The following SLC17A9 variants were observed in gnomAD, a reference collection of about 807,000 sequenced individuals.
SLC17A9 encodes voltage-gated purine nucleotide uniporter SLC17A9.
In SLC17A9, 49 loss-of-function variants were observed where a neutral mutation model predicts 55.0. The ratio of observed to expected loss-of-function variants is 0.89; its 90% CI spans 0.71 to 1.13. The LOEUF is 1.13. Among genes scored for constraint, SLC17A9 ranks in the 50% most tolerant of loss-of-function variants. SLC17A9 has a pLI of 0.00. For synonymous variants in SLC17A9, 256 were observed against 247.4 expected (o/e 1.03, Z -0.32); for missense variants, 526 against 569.3 (o/e 0.92, Z 0.77).
Position 62,963,681 on chromosome 20 carries a change from G to A in SLC17A9, c.822+1G>A, listed in dbSNP as rs1386906910. 6.3e-7 allele frequency: 1 copy of A among 1,584,750 alleles called. No individual in the cohort carries two copies. The highest frequency in any genetic ancestry group is 1.2e-5 in the South Asian group (1 of 86,812). Reference sequence around the variant, plus strand: ...CGAGGAGACCTTCCCCGACGCCAAGGTGAGTCGGGGGCTCCCGCAGGGTGA... The same window carrying A: ...CGAGGAGACCTTCCCCGACGCCAAGATGAGTCGGGGGCTCCCGCAGGGTGA... On this transcript the variant is annotated splice_donor_variant, in intron 7 of 12. Coordinates refer to ENST00000370351, the MANE Select transcript of SLC17A9 (RefSeq NM_022082.4). LOFTEE classifies it high-confidence loss of function.
chr20:62,957,120 C>T (rs62200668), intron 2 of SLC17A9, 158 bp downstream of exon 2: 3 of 831,412 alleles, frequency 3.6e-6, no homozygotes, highest in Admixed American at 6.6e-5. Flanking sequence ...GAAGGAGCTT[C>T]GTGGACACAG....
intron 2 of SLC17A9, 122 bp from the exon 3 acceptor site, chr20:62,957,319 C>T (rs1050133017): frequency 2.1e-5 from 31 of 1,492,322 alleles, no homozygotes; most frequent in East Asian, 1.6e-4. Context: ...CATGAGCAGG[C>T]CCTGTAGAGG....
chr20:62,957,968 G>C (rs2065556209), intron 3 of SLC17A9, among the ~76,000 whole-genome samples: 1 of 152,114 alleles, frequency 6.6e-6, no homozygotes, highest in Admixed American at 6.5e-5. Flanking sequence ...CAATGTGCAT[G>C]TATGTTTGTG....
chr20:62,966,576 G>C lies in SLC17A9; in HGVS notation c.1113G>C (p.Leu371=). The C allele has an allele frequency of 6.4e-7, 1 of 1,566,082 alleles. No individual in the cohort carries two copies. The highest frequency in any genetic ancestry group is 8.6e-7 in the Non-Finnish European group (1 of 1,156,860). The change falls in exon 11 of 13, where the codon CTG becomes CTC. Residue 371 remains leucine, a synonymous_variant. Coordinates refer to ENST00000370351, the MANE Select transcript of SLC17A9 (RefSeq NM_022082.4). ...TGGCCCCGTCCTGCGCCGGCTTTCT[G>C]TTTGGTGAGGACCTTGCCTTACCCC... The part of the protein sequence containing the change: ...QDLAPSCAGF[L]FGVANTAGAL...
At position 62,967,486 on chromosome 20, in the gene SLC17A9, C is replaced by A. The variant is rs920970602; in HGVS notation, c.1297C>A (p.His433Asn). 1.2e-6 allele frequency: 2 copies of A among 1,613,990 alleles called. No individual in the cohort carries two copies. The highest frequency in any genetic ancestry group is 2.2e-5 in the South Asian group (2 of 91,074). Residue 433 changes from histidine to asparagine, a missense_variant, in exon 13 of 13, where the codon CAT becomes AAT. Physicochemically the swap from His to Asn is moderately conservative, Grantham distance 68. Coordinates refer to ENST00000370351, the MANE Select transcript of SLC17A9 (RefSeq NM_022082.4). ...TCAGAGGGTGGACCTGAGCTCTACCCATGAGGACCTCTAGCTCCCAACCCC... is the reference window on the plus strand; with the variant it reads ...TCAGAGGGTGGACCTGAGCTCTACCAATGAGGACCTCTAGCTCCCAACCCC... ...QAQRVDLSST[H>N]EDL
intron 1 of SLC17A9, among the ~76,000 whole-genome samples, chr20:62,955,487 T>G (rs150515958): frequency 1.4e-3 from 220 of 152,228 alleles, no homozygotes; most frequent in African/African-American, 3.8e-3. Flanking sequence ...GTTTTGTTTT[T>G]TTTTGTAGAG....
intron 1 of SLC17A9, chr20:62,953,279 G>A: frequency 6.5e-7 from 1 of 1,549,058 alleles, no homozygotes; most frequent in Non-Finnish European, 8.7e-7. Flanking sequence ...CCAGGTAGGG[G>A]GCACGGGCTG....
chr20:62,965,469 T>C, intron 9 of SLC17A9, 141 bp from the exon 10 acceptor site: 1 of 799,626 alleles, frequency 1.3e-6, no homozygotes, highest in Non-Finnish European at 2.1e-6. Flanking sequence ...CTAGGGGGCC[T>C]GGTCTGAGAG....
rs1322719844 is a variant in SLC17A9, at chr20:62,962,686, T to C, written c.560T>C (p.Phe187Ser). Reference sequence around the variant, plus strand: ...GAATGGTACGGCTGGCAGAGCATCTTCTATTTCTCCGGCGGCCTCACCTTG... The same window carrying C: ...GAATGGTACGGCTGGCAGAGCATCTCCTATTTCTCCGGCGGCCTCACCTTG... ...LLEWYGWQSI[F>S]YFSGGLTLLW... The change falls in exon 5 of 13, where the codon TTC (phenylalanine) becomes TCC (serine). Residue 187 changes from phenylalanine (F) to serine (S), a missense_variant. Physicochemically the swap from Phe to Ser is radical, Grantham distance 155. Transcript: ENST00000370351. The surrounding 1 kb of genome is among the most constrained non-coding windows in gnomAD (Gnocchi z 5.5). The C allele has an allele frequency of 3.1e-6, 5 of 1,614,080 alleles. No individual in the cohort carries two copies. Among genetic ancestry groups the C allele is most frequent in the Admixed American group, 1.7e-5 (1 of 60,018 alleles).
chr20:62,967,285 G>A (rs1302024703), intron 12 of SLC17A9, 52 bp from the exon 13 acceptor site: 1 of 1,604,566 alleles, frequency 6.2e-7, no homozygotes, highest in Admixed American at 1.7e-5. Context: ...GGTGGGGTGT[G>A]GGGCCTGGGC....
chr20:62,966,431 A>G (rs1362591701), intron 10 of SLC17A9, 94 bp from the exon 11 acceptor site: 6 of 1,424,612 alleles, frequency 4.2e-6, no homozygotes, highest in Admixed American at 3.8e-5. Context: ...CCGTGGCTCC[A>G]CGAGACCTTG....
intron 2 of SLC17A9, 162 bp from the exon 3 acceptor site, chr20:62,957,279 C>T: frequency 1.0e-6 from 1 of 985,374 alleles, no homozygotes; most frequent in Non-Finnish European, 1.2e-6. Flanking sequence ...CCCTGGAGTA[C>T]CTGGTCTCCT....
rs768285483 is a variant in SLC17A9, at chr20:62,956,732, C to T, written c.60-33C>T. On this transcript the variant is annotated intron_variant, in intron 1 of 12. Coordinates refer to ENST00000370351, the MANE Select transcript of SLC17A9 (RefSeq NM_022082.4). The stretch of plus-strand genomic sequence containing the variant: ...ACTCGAAGCAGCAGGGCCGTGGGGC[C>T]TCCCCAGGGCCTGACCATCTCCTGT... 9 of 1,589,814 alleles carry T rather than the reference C, an allele frequency of 5.7e-6. No homozygotes were observed. In the South Asian group the frequency reaches 1.0e-4, roughly 18 times the overall value.
At chr20:62,966,892 C>A in intron 12 of SLC17A9, 160 bp downstream of exon 12, 1 of 883,544 alleles carries the variant, frequency 1.1e-6, no homozygotes, top group Non-Finnish European at 1.7e-6. Flanking sequence ...ATGGGGCTGC[C>A]TTCCAGGTTC....
rs759931339 is a variant in SLC17A9, at chr20:62,960,533, C to CT, written c.428dup (p.Ser144ValfsTer8). On this transcript the variant is annotated frameshift_variant, in exon 4 of 13. Coordinates refer to ENST00000370351, the MANE Select transcript of SLC17A9 (RefSeq NM_022082.4). LOFTEE classifies it high-confidence loss of function. ...TTACTTCCCTGCCCTGACCAGCCTG[C>CT]TGTCGCAGAAGGTGCGGGAGAGTGA... 30 of 1,613,470 alleles carry CT rather than the reference C, an allele frequency of 1.9e-5. No homozygotes were observed. Among genetic ancestry groups the CT allele is most frequent in the Admixed American group, 3.3e-5 (2 of 59,992 alleles).
In SLC17A9 at chr20:62,954,025, C is replaced by T. The variant is rs559137663; in HGVS notation, c.59+1136C>T. ...CACTGGCGGCTGGTTTGAGTGGCTC[C>T]GCCTTCACTACGTCCCTCCCAGGCT... is the stretch of plus-strand genomic sequence containing the variant. On this transcript the variant is annotated intron_variant, in intron 1 of 12. Coordinates refer to ENST00000370351, the MANE Select transcript of SLC17A9 (RefSeq NM_022082.4). Among the ~76,000 whole-genome samples the T allele has an allele frequency of 5.9e-5, 9 of 151,854 alleles. No homozygotes were observed. In the East Asian group the frequency reaches 7.7e-4, roughly 13 times the overall value.
chr20:62,964,392 T>A (rs2065616987), intron 8 of SLC17A9, 77 bp downstream of exon 8: 1 of 1,420,618 alleles, frequency 7.0e-7, no homozygotes, highest in Non-Finnish European at 1.0e-6. Flanking sequence ...GATGCTCCCA[T>A]CCTGGGGCTG....
intron 4 of SLC17A9, among the ~76,000 whole-genome samples, chr20:62,961,394 C>G (rs961572025): frequency 6.6e-6 from 1 of 152,082 alleles, no homozygotes; most frequent in East Asian, 1.9e-4. Flanking sequence ...TCCTCATCCA[C>G]GATGCGGCAA....
At chr20:62,963,164 G>A in intron 5 of SLC17A9, 109 bp from the exon 6 acceptor site, 2 of 1,136,642 alleles carry the variant, frequency 1.8e-6, no homozygotes, top group South Asian at 1.3e-5. Flanking sequence ...CTGAGGCATG[G>A]ACGAGGCCTG....
Sources: allele counts gnomAD v4.1 joint callset (sites outside exome capture counted in the v4.1 genomes callset), GRCh38; gene constraint gnomAD v4.1.1; non-coding constraint Gnocchi (gnomAD v3.1); transcripts MANE v1.5; gene names NCBI Gene and HGNC (gene_info 2026-07-23, HGNC 2026-07-21).